The following NOSIP variants were observed in gnomAD, a reference collection of about 807,000 sequenced individuals.
NOSIP encodes nitric oxide synthase-interacting protein.
Under a neutral mutation model 36.4 loss-of-function variants are expected in NOSIP, and 25 were observed. The ratio of observed to expected loss-of-function variants is 0.69; its 90% CI spans 0.50 to 0.96. The LOEUF (loss-of-function observed/expected upper bound fraction) is 0.96. Among genes scored for constraint, NOSIP ranks in the 40% least tolerant of loss-of-function variants. The probability of loss-of-function intolerance (pLI) is 0.00; values close to 1 mark genes in which losing one functional copy is unlikely to be tolerated. For missense variants in NOSIP, 370 were observed against 429.0 expected (o/e 0.86, Z 1.21); for synonymous variants, 187 against 179.2 (o/e 1.04, Z -0.35).
rs376400410 is a variant in NOSIP, at chr19:49,556,729, G to A, written c.545C>T (p.Thr182Met). The part of the protein sequence containing the change: ...KATKLEKPSR[T>M]VTCPMSGKPL... ...CTTCCCTGACATGGGGCAGGTCACC[G>A]TGCGGGACTGCAAGGGGCAGAGAGA... is the stretch of plus-strand genomic sequence containing the variant. The change falls in exon 7 of 9, where the codon ACG (threonine) becomes ATG (methionine). Residue 182 changes from threonine to methionine, a missense_variant. Coordinates refer to ENST00000596358, the MANE Select transcript of NOSIP (RefSeq NM_001270960.2). 357 of 1,605,942 alleles carry A rather than the reference G, an allele frequency of 2.2e-4. No individual in the cohort carries two copies. Among genetic ancestry groups the A allele is most frequent in the Non-Finnish European group, 2.7e-4 (314 of 1,175,342 alleles).
chr19:49,560,247 C>T lies in NOSIP; in HGVS notation c.71-208G>A, dbSNP rs1468302430. ...TCAACCCTGGAGGGTGAGAGGCAGACAGGCCTGGTCACTGAGTGGCAGCTT... is the reference window on the plus strand; with the variant it reads ...TCAACCCTGGAGGGTGAGAGGCAGATAGGCCTGGTCACTGAGTGGCAGCTT... On this transcript the variant is annotated intron_variant, in intron 2 of 8. Transcript: ENST00000596358. This position sits in a 1 kb window ranked among gnomAD's most constrained non-coding sequence, Gnocchi z 4.6. 1 of 584,706 alleles carries T rather than the reference C, an allele frequency of 1.7e-6. No individual in the cohort carries two copies. The highest frequency in any genetic ancestry group is 2.0e-5 in the South Asian group (1 of 49,478). The allele number at this position is 584,706 out of a possible 1,614,324, so 36.2% of individuals were successfully genotyped here. A position where few individuals can be genotyped will look rare whatever the true frequency, so the allele number is the denominator to read the frequency against.
At chr19:49,558,839 T>C in intron 4 of NOSIP, 58 bp downstream of exon 4, 1 of 1,377,766 alleles carries the variant, frequency 7.3e-7, no homozygotes, top group South Asian at 1.2e-5. Context: ...GCTCTGCCTG[T>C]GAGCTCAGAC....
At position 49,556,644 on chromosome 19, in the gene NOSIP, G is replaced by A; in HGVS notation, c.630C>T (p.Asp210=). ...CGCTGCGGGTGATGAGCCCCACGCG[G>A]TCCACGGAGCTGTCTAGCGGTGTGA... ...VHFTPLDSSV[D]RVGLITRSER... The change falls in exon 7 of 9, where the codon GAC becomes GAT. Residue 210 remains aspartate, a synonymous_variant. Transcript: ENST00000596358. 6.2e-7 allele frequency: 1 copy of A among 1,610,828 alleles called. No homozygotes were observed. The highest frequency in any genetic ancestry group is 8.5e-7 in the Non-Finnish European group (1 of 1,179,760).
At chr19:49,559,864 C>T (rs2080307036) in intron 3 of NOSIP, 70 bp downstream of exon 3, 1 of 1,151,002 alleles carries the variant, frequency 8.7e-7, no homozygotes, top group Non-Finnish European at 1.3e-6. Flanking sequence ...CAGACCCACG[C>T]ACACAGCCTC....
intron 4 of NOSIP, 134 bp from the exon 5 acceptor site, chr19:49,557,383 T>C: frequency 6.9e-7 from 1 of 1,445,608 alleles, no homozygotes; most frequent in Non-Finnish European, 9.1e-7. Flanking sequence ...GGGTGGTAAC[T>C]GCCACCCTGG....
At chr19:49,565,939 T>C (rs2080401781) in intron 1 of NOSIP, among the ~76,000 whole-genome samples, 1 of 152,222 alleles carries the variant, frequency 6.6e-6, no homozygotes, top group African/African-American at 2.4e-5. Flanking sequence ...TTGTCCACTA[T>C]GACAAAGCAG....
intron 8 of NOSIP, 95 bp from the exon 9 acceptor site, chr19:49,555,917 T>A: frequency 1.1e-6 from 1 of 874,944 alleles, no homozygotes; most frequent in Non-Finnish European, 1.9e-6. Context: ...CGGGTCAAGG[T>A]GAAGCGGGTT....
chr19:49,564,982 G>A (rs918486180), intron 1 of NOSIP, among the ~76,000 whole-genome samples: 3 of 152,126 alleles, frequency 2.0e-5, no homozygotes. Context: ...TACTACACCA[G>A]AAGTTATGTG....
intron 1 of NOSIP, among the ~76,000 whole-genome samples, chr19:49,578,168 G>T (rs189714624): frequency 6.6e-6 from 1 of 151,876 alleles, no homozygotes; most frequent in East Asian, 1.9e-4. Context: ...CTTTTGCCCA[G>T]GCTGGAGTGA....
At chr19:49,562,143 C>T (rs1046350579) in intron 1 of NOSIP, among the ~76,000 whole-genome samples, 4 of 152,022 alleles carry the variant, frequency 2.6e-5, no homozygotes, top group African/African-American at 4.8e-5. Context: ...TTTTTTGAGA[C>T]GGAGTTTCAC....
intron 6 of NOSIP, 60 bp downstream of exon 6, chr19:49,556,815 G>C: frequency 1.4e-5 from 22 of 1,596,000 alleles, no homozygotes; most frequent in Admixed American, 1.7e-5. Context: ...TGCGTGAGGA[G>C]GACGGTGGGG....
intron 1 of NOSIP, among the ~76,000 whole-genome samples, chr19:49,561,339 G>A (rs933188727): frequency 6.6e-6 from 1 of 152,176 alleles, no homozygotes; most frequent in East Asian, 1.9e-4. Flanking sequence ...AGGAAGAGAA[G>A]ACCCCAGAAC....
chr19:49,579,060 C>A (rs1282667293), intron 1 of NOSIP: 1 of 152,006 alleles, frequency 6.6e-6, no homozygotes. Flanking sequence ...ATCGATTACA[C>A]CAAGAAATAA....
chr19:49,556,997 TG>T lies in NOSIP; in HGVS notation c.419-5del, dbSNP rs1381365683. ...CTGGGCCCAGGTTGGACATCATCTG[TG>T]GGGGAAGGAAGGGACTCAGATGCCG... On this transcript the variant is annotated splice_region_variant and splice_polypyrimidine_tract_variant and intron_variant, in intron 5 of 8. Transcript: ENST00000596358. 6.2e-7 allele frequency: 1 copy of T among 1,604,830 alleles called. No individual in the cohort carries two copies. The highest frequency in any genetic ancestry group is 1.7e-5 in the Admixed American group (1 of 58,472).
chr19:49,556,174 G>GGGT (rs1555813411), intron 8 of NOSIP, 143 bp downstream of exon 8: 1 of 404,824 alleles, frequency 2.5e-6, no homozygotes, highest in Admixed American at 4.4e-5. Context: ...AGAAAGCGGG[G>GGGT]GGGGGGGGCG....
At chr19:49,559,392 C>T (rs1194235783) in intron 3 of NOSIP, 1 of 186,876 alleles carries the variant, frequency 5.4e-6, no homozygotes, top group Non-Finnish European at 1.1e-5. Flanking sequence ...TAGTGCACAC[C>T]CGTGGTTCCA....
At chr19:49,559,904 C>G (rs1307876032) in intron 3 of NOSIP, 30 bp downstream of exon 3, 10 of 1,551,640 alleles carry the variant, frequency 6.4e-6, no homozygotes, top group Non-Finnish European at 7.1e-6. Flanking sequence ...TCTCCCCACC[C>G]AGACCTACCC....
At chr19:49,558,749 G>C (rs183570803) in intron 4 of NOSIP, 148 bp downstream of exon 4, 23 of 721,104 alleles carry the variant, frequency 3.2e-5, no homozygotes, top group Non-Finnish European at 5.2e-5. Context: ...GGCTGAAATC[G>C]GTGAGAAGGA....
At chr19:49,567,364 G>A (rs183108776) in intron 1 of NOSIP, among the ~76,000 whole-genome samples, 3,666 of 143,732 alleles carry the variant, frequency 0.026, 67 homozygotes, top group Non-Finnish European at 0.038. Context: ...CTCGTGATCC[G>A]CCCGCCTCGG....
Sources: gnomAD v4.1 joint callset for allele counts (sites outside exome capture counted in the v4.1 genomes callset) on GRCh38, gnomAD v4.1.1 for gene constraint, Gnocchi (gnomAD v3.1) non-coding constraint, MANE v1.5 for transcripts, NCBI Gene and HGNC (gene_info 2026-07-23, HGNC 2026-07-21) for gene names.